Variants in PPP1R15B observed in about 807,000 individuals in gnomAD.
The protein encoded by PPP1R15B is protein phosphatase 1 regulatory subunit 15B, also known as protein phosphatase 1, regulatory (inhibitor) subunit 15B.
A neutral mutation model predicts 53.9 loss-of-function variants in PPP1R15B; 31 were observed. That is an observed-to-expected ratio of 0.58 (90% CI 0.43 to 0.78). The LOEUF (loss-of-function observed/expected upper bound fraction) is 0.78, where lower values mean the gene tolerates loss of function less well. Among genes scored for constraint, PPP1R15B ranks in the 30% least tolerant of loss-of-function variants. PPP1R15B has a pLI of 0.00. For missense variants in PPP1R15B, 928 were observed against 849.6 expected (o/e 1.09, Z -1.15); for synonymous variants, 345 against 329.1 (o/e 1.05, Z -0.52).
chr1:204,409,979 C>T lies in PPP1R15B; in HGVS notation c.1433G>A (p.Trp478Ter). ...AGGATCTACACTGCAGAAAGAGTTC[C>T]AAAGGTGAAGCCCTTCAGGGTCTTG... ...LEQDPEGLHL[W>*]NSFCSVDPYN... The change falls in exon 1 of 2, where the codon TGG becomes TAG. Residue 478 changes from tryptophan (W) to a stop codon, truncating the protein, a stop_gained. Coordinates refer to ENST00000367188, the MANE Select transcript of PPP1R15B (RefSeq NM_032833.5). LOFTEE classifies it high-confidence loss of function. 1 of 1,614,136 alleles carries T rather than the reference C, an allele frequency of 6.2e-7. No homozygotes were observed. The highest frequency in any genetic ancestry group is 2.2e-5 in the East Asian group (1 of 44,888).
At position 204,409,738 on chromosome 1, in the gene PPP1R15B, T is replaced by G. The variant is rs1331122037; in HGVS notation, c.1674A>C (p.Ser558=). 4 of 1,614,162 alleles carry G rather than the reference T, an allele frequency of 2.5e-6. No individual in the cohort carries two copies. Among genetic ancestry groups the G allele is most frequent in the Middle Eastern group, 1.6e-4 (1 of 6,062 alleles). The change falls in exon 1 of 2, where the codon TCA becomes TCC. Residue 558 remains serine, a synonymous_variant. Transcript: ENST00000367188. ...TGTAGGGGTCATCAGAATTACAGAATGAGTTCCACAGTTTGAGACTCTCTG... is the reference window on the plus strand; with the variant it reads ...TGTAGGGGTCATCAGAATTACAGAAGGAGTTCCACAGTTTGAGACTCTCTG... ...DEAESLKLWN[S]FCNSDDPYNP...
chr1:204,405,753 A>G lies in PPP1R15B; in HGVS notation c.*339T>C. ...TGAAAATGGGCTTTAAGCCCTATAA[A>G]TATTGTTTTCCAAGAAAATAAGTTT... is the stretch of plus-strand genomic sequence containing the variant. On this transcript the variant is annotated 3_prime_UTR_variant, in exon 2 of 2. Coordinates refer to ENST00000367188, the MANE Select transcript of PPP1R15B (RefSeq NM_032833.5). 1.9e-6 allele frequency: 2 copies of G among 1,030,400 alleles called. No homozygotes were observed. The highest frequency in any genetic ancestry group is 2.3e-6 in the Non-Finnish European group (2 of 856,692). 63.8% of individuals were successfully genotyped at this position (1,030,400 alleles called of 1,614,324 possible).
At chr1:204,408,115 A>G (rs1320845293) in intron 1 of PPP1R15B, among the ~76,000 whole-genome samples, 2 of 152,254 alleles carry the variant, frequency 1.3e-5, no homozygotes, top group Non-Finnish European at 1.5e-5. Context: ...AATAACTTGT[A>G]CAATAGATAT....
Position 204,404,091 on chromosome 1 carries a change from C to CT in PPP1R15B, c.*2000dup. 1.0e-6 allele frequency: 1 copy of CT among 985,294 alleles called. No homozygotes were observed. 61.0% of individuals were successfully genotyped at this position (985,294 alleles called of 1,614,324 possible). A position where few individuals can be genotyped will look rare whatever the true frequency, so the allele number is the denominator to read the frequency against. ...AGAATGCCTGTATGTTGTCAAAAGG[C>CT]TTTTTTCAAGGCAAATGACGCCTGC... On this transcript the variant is annotated 3_prime_UTR_variant, in exon 2 of 2. Transcript: ENST00000367188.
downstream of PPP1R15B, among the ~76,000 whole-genome samples, chr1:204,400,245 A>AG (rs1232436289): frequency 3.3e-5 from 5 of 151,500 alleles, no homozygotes; most frequent in East Asian, 9.7e-4. Flanking sequence ...TCAAAAAAAA[A>AG]AAAAAAAGAA....
Position 204,404,468 on chromosome 1 carries a change from G to A in PPP1R15B, c.*1624C>T, listed in dbSNP as rs185551487. The A allele has an allele frequency of 2.2e-5, 20 of 923,626 alleles. No individual in the cohort carries two copies. The highest frequency in any genetic ancestry group is 6.2e-5 in the Admixed American group (1 of 16,088). 57.2% of individuals were successfully genotyped at this position (923,626 alleles called of 1,614,324 possible). On this transcript the variant is annotated 3_prime_UTR_variant, in exon 2 of 2. Coordinates refer to ENST00000367188, the MANE Select transcript of PPP1R15B (RefSeq NM_032833.5). ...CCACTGCACTCCAAGCTGGGGGACC[G>A]AACGAGACTCTGTCTCAAAAAAAAA... is the stretch of plus-strand genomic sequence containing the variant.
At position 204,410,073 on chromosome 1, in the gene PPP1R15B, C is replaced by T. The variant is rs779106147; in HGVS notation, c.1339G>A (p.Asp447Asn). The T allele has an allele frequency of 1.2e-6, 2 of 1,614,226 alleles. No homozygotes were observed. Among genetic ancestry groups the T allele is most frequent in the Non-Finnish European group, 1.7e-6 (2 of 1,180,052 alleles). ...TCATCCTCAGCTTCCTCATCCCAATCCTCACCTTCTGGATCAGAACTTGTT... is the reference window on the plus strand; with the variant it reads ...TCATCCTCAGCTTCCTCATCCCAATTCTCACCTTCTGGATCAGAACTTGTT... ...LETSSDPEGE[D>N]WDEEAEDDGF... is the part of the protein sequence containing the mutation. Residue 447 changes from aspartate (D) to asparagine (N), a missense_variant, in exon 1 of 2, where the codon GAT (aspartate) becomes AAT (asparagine). Asp to Asn is a conservative substitution (Grantham distance 23, BLOSUM62 1). Coordinates refer to ENST00000367188, the MANE Select transcript of PPP1R15B (RefSeq NM_032833.5).
chr1:204,405,268 G>T lies in PPP1R15B; in HGVS notation c.*824C>A, dbSNP rs928787932. On this transcript the variant is annotated 3_prime_UTR_variant, in exon 2 of 2. Coordinates refer to ENST00000367188, the MANE Select transcript of PPP1R15B (RefSeq NM_032833.5). ...TATGATGTAATTATTACTTTCCAGA[G>T]TGTTTTGCAATAACTTCAACCTGTT... 2 of 978,002 alleles carry T rather than the reference G, an allele frequency of 2.0e-6. No homozygotes were observed. Among genetic ancestry groups the T allele is most frequent in the Non-Finnish European group, 2.4e-6 (2 of 823,032 alleles). The allele number at this position is 978,002 out of a possible 1,614,324, so 60.6% of individuals were successfully genotyped here.
chr1:204,402,417 C>A (rs1379833973), downstream of PPP1R15B, among the ~76,000 whole-genome samples: 3 of 151,740 alleles, frequency 2.0e-5, no homozygotes, highest in Non-Finnish European at 1.5e-5. Context: ...ATGATTCCAT[C>A]TGACTTTATT....
downstream of PPP1R15B, among the ~76,000 whole-genome samples, chr1:204,399,252 A>G (rs1412554605): frequency 6.6e-6 from 1 of 152,086 alleles, no homozygotes; most frequent in East Asian, 1.9e-4. Flanking sequence ...GCCAGACCCC[A>G]TCTCTATTTA....
At chr1:204,403,291 G>C (rs996236404), downstream of PPP1R15B, 17 of 425,000 alleles carry the variant, frequency 4.0e-5, no homozygotes, top group Non-Finnish European at 5.3e-5. Context: ...CTAAAATGTT[G>C]TTTGCAATTA....
At chr1:204,403,370 C>G, downstream of PPP1R15B, 1 of 666,972 alleles carries the variant, frequency 1.5e-6, no homozygotes, top group South Asian at 6.8e-5. Flanking sequence ...AAAGTTGAAC[C>G]AAAATATCAC....
Position 204,404,251 on chromosome 1 carries a change from A to C in PPP1R15B, c.*1841T>G. On this transcript the variant is annotated 3_prime_UTR_variant, in exon 2 of 2. Transcript: ENST00000367188. The stretch of plus-strand genomic sequence containing the variant: ...AGAATCCCAGCACTTTGAGAGGCCG[A>C]GGCGGGCGGATCACGAGGTCAGCAG... The C allele has an allele frequency of 1.0e-6, 1 of 981,406 alleles. No individual in the cohort carries two copies. Among genetic ancestry groups the C allele is most frequent in the Non-Finnish European group, 1.2e-6 (1 of 826,322 alleles). The allele number at this position is 981,406 out of a possible 1,614,324, so 60.8% of individuals were successfully genotyped here. A position where few individuals can be genotyped will look rare whatever the true frequency, so the allele number is the denominator to read the frequency against.
chr1:204,398,580 C>A (rs1402227250), downstream of PPP1R15B, among the ~76,000 whole-genome samples: 3 of 152,150 alleles, frequency 2.0e-5, no homozygotes, highest in African/African-American at 7.2e-5. Context: ...AAGGTGGAGT[C>A]ACACTGGGCC....
Position 204,409,734 on chromosome 1 carries a change from A to C in PPP1R15B, c.1678T>G (p.Cys560Gly). ...AESLKLWNSFCNSDDPYNPLN... is the reference protein window; with the variant it reads ...AESLKLWNSFGNSDDPYNPLN... ...GGGTTGTAGGGGTCATCAGAATTAC[A>C]GAATGAGTTCCACAGTTTGAGACTC... is the stretch of plus-strand genomic sequence containing the variant. Residue 560 changes from cysteine (C) to glycine (G), a missense_variant, in exon 1 of 2, where the codon TGT becomes GGT. By Grantham distance (159) the Cys-to-Gly change is radical. Coordinates refer to ENST00000367188, the MANE Select transcript of PPP1R15B (RefSeq NM_032833.5). 1 of 1,614,188 alleles carries C rather than the reference A, an allele frequency of 6.2e-7. No homozygotes were observed. Among genetic ancestry groups the C allele is most frequent in the Non-Finnish European group, 8.5e-7 (1 of 1,180,036 alleles).
At chr1:204,397,138 T>G (rs1462351248), downstream of PPP1R15B, among the ~76,000 whole-genome samples, 1 of 151,754 alleles carries the variant, frequency 6.6e-6, no homozygotes, top group Non-Finnish European at 1.5e-5. Flanking sequence ...AAGAAAGCCA[T>G]GATCATGCCA....
Position 204,410,333 on chromosome 1 carries a change from G to A in PPP1R15B, c.1079C>T (p.Ser360Phe), listed in dbSNP as rs1215204889. Residue 360 changes from serine (S) to phenylalanine (F), a missense_variant, in exon 1 of 2, where the codon TCC becomes TTC. By Grantham distance (155) the Ser-to-Phe change is radical (BLOSUM62 -2). Transcript: ENST00000367188. ...AGDIPGNTQE[S>F]TEEKIELLTT... ...TAATAATTCTATTTTTTCTTCAGTG[G>A]ATTCCTGGGTGTTTCCAGGAATGTC... 2 of 1,614,040 alleles carry A rather than the reference G, an allele frequency of 1.2e-6. No homozygotes were observed.
downstream of PPP1R15B, among the ~76,000 whole-genome samples, chr1:204,396,310 C>A (rs1446372213): frequency 6.8e-6 from 1 of 147,660 alleles, no homozygotes; most frequent in Non-Finnish European, 1.5e-5. Context: ...AAGTTCAAGA[C>A]TAGCCTGGGC....
In PPP1R15B at chr1:204,410,404, T is replaced by C. The variant is rs11799830; in HGVS notation, c.1008A>G (p.Pro336=). Residue 336 remains proline, a synonymous_variant, in exon 1 of 2, where the codon CCA becomes CCG. Coordinates refer to ENST00000367188, the MANE Select transcript of PPP1R15B (RefSeq NM_032833.5). ...GTGTTGGGTTATCTCTGCAGTGTTTTGGATCCATCCGGAGAAGGCTGTGTT... is the reference window on the plus strand; with the variant it reads ...GTGTTGGGTTATCTCTGCAGTGTTTCGGATCCATCCGGAGAAGGCTGTGTT... ...EEEHSLLRMD[P]KHCRDNPTQF... 0.031 allele frequency: 49,281 copies of C among 1,614,206 alleles called. 943 individuals are homozygous for C. Among genetic ancestry groups the C allele is most frequent in the Middle Eastern group, 0.045 (270 of 6,062 alleles).
Sources: gnomAD v4.1 joint callset for allele counts (sites outside exome capture counted in the v4.1 genomes callset) on GRCh38, gnomAD v4.1.1 for gene constraint, MANE v1.5 for transcripts, NCBI Gene and HGNC (gene_info 2026-07-23, HGNC 2026-07-21) for gene names.